The following PXDNL variants were observed in gnomAD, a reference collection of about 807,000 sequenced individuals.
PXDNL encodes the protein probable oxidoreductase PXDNL.
In PXDNL, 145 loss-of-function variants were observed where a neutral mutation model predicts 150.8. The observed-to-expected ratio is 0.96, with a 90% CI of 0.84 to 1.10. The LOEUF is 1.10. Ranked by LOEUF, PXDNL falls within the 50% of genes least tolerant of loss-of-function variation. PXDNL has a pLI of 0.00. For synonymous variants in PXDNL, 757 were observed against 725.7 expected (o/e 1.04, Z -0.69); for missense variants, 2,087 against 1,873.9 (o/e 1.11, Z -2.10).
chr8:51,559,343 C>A (rs75621994), intron 3 of PXDNL, among the ~76,000 whole-genome samples: 2 of 138,630 alleles, frequency 1.4e-5, no homozygotes, highest in South Asian at 2.5e-4. Context: ...CCCCCCCCCC[C>A]CGCCACCTTC....
At chr8:51,728,443 C>T (rs1816858793) in intron 1 of PXDNL, among the ~76,000 whole-genome samples, 1 of 152,104 alleles carries the variant, frequency 6.6e-6, no homozygotes. Context: ...GAGATGACAG[C>T]TCTATGGGTG....
At chr8:51,612,658 C>T (rs1317247308) in intron 2 of PXDNL, among the ~76,000 whole-genome samples, 1 of 152,134 alleles carries the variant, frequency 6.6e-6, no homozygotes, top group African/African-American at 2.4e-5. Flanking sequence ...AAAGAGACCC[C>T]CACAGAGCTC....
At chr8:51,577,978 A>G (rs1210705037) in intron 3 of PXDNL, among the ~76,000 whole-genome samples, 30 of 105,204 alleles carry the variant, frequency 2.9e-4, no homozygotes, top group East Asian at 1.2e-3. Context: ...AAAGAAAGAA[A>G]GAAAGAAAGA....
intron 1 of PXDNL, among the ~76,000 whole-genome samples, chr8:51,797,394 G>C (rs1230766704): frequency 6.6e-6 from 1 of 152,184 alleles, no homozygotes; most frequent in Non-Finnish European, 1.5e-5. Flanking sequence ...GTCTCTGTTT[G>C]CAGATGACAT....
intron 1 of PXDNL, among the ~76,000 whole-genome samples, chr8:51,715,154 C>T (rs1190831243): frequency 1.3e-5 from 2 of 152,188 alleles, no homozygotes; most frequent in African/African-American, 2.4e-5. Context: ...GACAACTCAA[C>T]AACAAAAGAC....
chr8:51,696,657 C>CCACACACAGGCCCACACACATCCA, intron 1 of PXDNL, among the ~76,000 whole-genome samples: 1 of 3,184 alleles, frequency 3.1e-4, no homozygotes, highest in African/African-American at 1.0e-3. Context: ...CCACACACAT[C>CCACACACAGGCCCACACACATCCA]CACACACAGG....
Position 51,320,018 on chromosome 8 carries a change from C to G in PXDNL, c.4265G>C (p.Gly1422Ala). 6.6e-7 allele frequency: 1 copy of G among 1,509,648 alleles called. No homozygotes were observed. Among genetic ancestry groups the G allele is most frequent in the South Asian group, 1.4e-5 (1 of 72,506 alleles). The allele number at this position is 1,509,648 out of a possible 1,614,324, so 93.5% of individuals were successfully genotyped here. Residue 1422 changes from glycine to alanine, a missense_variant, in exon 23 of 23, where the codon GGC becomes GCC. Gly to Ala is a moderately conservative substitution (Grantham distance 60). Transcript: ENST00000356297. ...EDCTHCICES[G>A]QVTCVVEICP... ...AATCTCCACCACACAGGTGACCTGG[C>G]CACTCTGAAAGGCAGCATGCACATA...
At chr8:51,441,782 G>A (rs1233767412) in intron 12 of PXDNL, among the ~76,000 whole-genome samples, 1 of 152,096 alleles carries the variant, frequency 6.6e-6, no homozygotes, top group Non-Finnish European at 1.5e-5. Flanking sequence ...CATTGAATGA[G>A]GAAACCCTAT....
In PXDNL at chr8:51,409,574, C is replaced by A; in HGVS notation, c.2063-13G>T. The A allele has an allele frequency of 6.5e-7, 1 of 1,538,840 alleles. No homozygotes were observed. Among genetic ancestry groups the A allele is most frequent in the Non-Finnish European group, 8.8e-7 (1 of 1,140,636 alleles). On this transcript the variant is annotated splice_polypyrimidine_tract_variant and intron_variant, in intron 16 of 22. Coordinates refer to ENST00000356297, the MANE Select transcript of PXDNL (RefSeq NM_144651.5). ...TTGTACCGGAATTCTGAAAGGCAAG[C>A]GGCGAAAGCCGTGAGGAGGGCGGGC... is the stretch of plus-strand genomic sequence containing the variant.
At chr8:51,724,520 A>G (rs1233753825) in intron 1 of PXDNL, among the ~76,000 whole-genome samples, 1 of 152,216 alleles carries the variant, frequency 6.6e-6, no homozygotes, top group Non-Finnish European at 1.5e-5. Flanking sequence ...GATCTCAGGA[A>G]GAAGAGCATT....
At chr8:51,499,606 G>T in intron 5 of PXDNL, 93 bp downstream of exon 5, 1 of 890,432 alleles carries the variant, frequency 1.1e-6, no homozygotes, top group Non-Finnish European at 1.9e-6. Context: ...AAAGCTTACA[G>T]CAAAGTGGCC....
At chr8:51,629,376 A>G (rs1220101178) in intron 2 of PXDNL, among the ~76,000 whole-genome samples, 3 of 152,172 alleles carry the variant, frequency 2.0e-5, no homozygotes, top group African/African-American at 7.2e-5. Context: ...CCTGAGGAGC[A>G]GAAAGTAAAA....
At chr8:51,549,319 GA>G (rs893995758) in intron 4 of PXDNL, among the ~76,000 whole-genome samples, 6 of 151,830 alleles carry the variant, frequency 4.0e-5, no homozygotes, top group African/African-American at 1.5e-4. Flanking sequence ...TATACCCTAG[GA>G]AAAATGGACT....
intron 4 of PXDNL, among the ~76,000 whole-genome samples, chr8:51,526,232 A>T (rs1811768009): frequency 6.6e-6 from 1 of 152,178 alleles, no homozygotes; most frequent in Non-Finnish European, 1.5e-5. Context: ...TTGCGAGTTA[A>T]CAGTGCCACC....
At chr8:51,676,092 T>C (rs1815615692) in intron 1 of PXDNL, among the ~76,000 whole-genome samples, 3 of 152,204 alleles carry the variant, frequency 2.0e-5, no homozygotes, top group South Asian at 2.1e-4. Flanking sequence ...AGAACAGATA[T>C]AGATGGTAAG....
At chr8:51,493,666 G>A (rs989982448) in intron 5 of PXDNL, among the ~76,000 whole-genome samples, 13 of 152,316 alleles carry the variant, frequency 8.5e-5, no homozygotes, top group Middle Eastern at 6.8e-3. Flanking sequence ...TGATCATGTG[G>A]AAGAAACTGT....
intron 4 of PXDNL, among the ~76,000 whole-genome samples, chr8:51,501,583 C>T (rs1193525885): frequency 6.6e-6 from 1 of 152,090 alleles, no homozygotes; most frequent in Non-Finnish European, 1.5e-5. Context: ...TACACACTCA[C>T]ACACACTCAC....
At chr8:51,785,867 A>C (rs1450873969) in intron 1 of PXDNL, among the ~76,000 whole-genome samples, 1 of 152,216 alleles carries the variant, frequency 6.6e-6, no homozygotes, top group African/African-American at 2.4e-5. Flanking sequence ...AAAAGCTAGA[A>C]ATGATTAAAC....
intron 3 of PXDNL, among the ~76,000 whole-genome samples, chr8:51,558,442 G>C (rs909111230): frequency 9.9e-5 from 15 of 152,142 alleles, no homozygotes; most frequent in African/African-American, 2.9e-4. Flanking sequence ...AGAATGTTGA[G>C]AGCCACATGA....
Sources: gnomAD v4.1 joint callset for allele counts (sites outside exome capture counted in the v4.1 genomes callset) on GRCh38, gnomAD v4.1.1 for gene constraint, MANE v1.5 for transcripts, NCBI Gene and HGNC (gene_info 2026-07-23, HGNC 2026-07-21) for gene names.